VASH2: variants seen among roughly 807,000 people sequenced by gnomAD.
The protein encoded by VASH2 is tubulinyl-Tyr carboxypeptidase 2.
Under a neutral mutation model 37.2 loss-of-function variants are expected in VASH2, and 28 were observed. That is an observed-to-expected ratio of 0.75 (90% CI 0.56 to 1.03). The LOEUF is 1.03. VASH2 is among the 50% of genes least tolerant of loss of function. The pLI is 0.00. For missense variants in VASH2, 419 were observed against 459.1 expected, an observed-to-expected ratio of 0.91 and a Z score of 0.80; for synonymous variants, 188 against 174.7, an observed-to-expected ratio of 1.08 and a Z score of -0.60.
intron 7 of VASH2, among the ~76,000 whole-genome samples, chr1:212,981,422 T>C (rs895767716): frequency 6.6e-6 from 1 of 152,178 alleles, no homozygotes; most frequent in African/African-American, 2.4e-5. Context: ...GAGGCCATGC[T>C]CTGCCTCTGC....
At chr1:212,987,777 G>A (rs1667525531) in intron 7 of VASH2, among the ~76,000 whole-genome samples, 1 of 152,236 alleles carries the variant, frequency 6.6e-6, no homozygotes. Context: ...AAGATACATT[G>A]TGAGATTGTT....
rs1667008805 is a variant in VASH2, at chr1:212,971,471, G to A, written c.498-1109G>A. The stretch of plus-strand genomic sequence containing the variant: ...CCACAGCCCTACCTGGCAGGCTGTC[G>A]GGCACAGCAGACACTCAGGGTAAGT... On this transcript the variant is annotated intron_variant, in intron 5 of 7. Transcript: ENST00000517399. This position sits in a 1 kb window ranked among gnomAD's most constrained non-coding sequence, Gnocchi z 4.0. Among the ~76,000 whole-genome samples, 1 of 152,128 alleles carries A rather than the reference G, an allele frequency of 6.6e-6. No individual in the cohort carries two copies. The highest frequency in any genetic ancestry group is 2.1e-4 in the South Asian group (1 of 4,814).
intron 7 of VASH2, among the ~76,000 whole-genome samples, chr1:212,979,501 T>A (rs1222656712): frequency 6.6e-6 from 1 of 152,048 alleles, no homozygotes; most frequent in African/African-American, 2.4e-5. Flanking sequence ...AGCTGTGGGG[T>A]CCCAGTCCCT....
chr1:212,972,048 C>T (rs1667027132), intron 5 of VASH2, among the ~76,000 whole-genome samples: 1 of 152,202 alleles, frequency 6.6e-6, no homozygotes. Flanking sequence ...TCCCCCTTCC[C>T]TGGAAAAGCT....
At chr1:212,983,945 C>T (rs1355940641) in intron 7 of VASH2, among the ~76,000 whole-genome samples, 1 of 152,202 alleles carries the variant, frequency 6.6e-6, no homozygotes, top group South Asian at 2.1e-4. Context: ...TTGCTTTGAG[C>T]AAATTCCCTA....
At chr1:212,959,766 T>G (rs1312160039) in intron 2 of VASH2, among the ~76,000 whole-genome samples, 1 of 152,222 alleles carries the variant, frequency 6.6e-6, no homozygotes, top group African/African-American at 2.4e-5. Flanking sequence ...CTGGCCTGGC[T>G]GCACAGGGCC....
intron 7 of VASH2, among the ~76,000 whole-genome samples, chr1:212,984,084 A>G (rs1159775427): frequency 6.6e-6 from 1 of 152,172 alleles, no homozygotes; most frequent in Non-Finnish European, 1.5e-5. Flanking sequence ...TTAAGTGTCT[A>G]ATAAATAAAA....
intron 3 of VASH2, 177 bp downstream of exon 3, chr1:212,961,431 T>C: frequency 2.9e-6 from 4 of 1,389,318 alleles, no homozygotes; most frequent in East Asian, 4.9e-5. Flanking sequence ...AGGTTGTCAT[T>C]GCAGTGACCC....
At chr1:212,983,885 C>G (rs1250205040) in intron 7 of VASH2, among the ~76,000 whole-genome samples, 3 of 152,148 alleles carry the variant, frequency 2.0e-5, no homozygotes, top group Non-Finnish European at 4.4e-5. Context: ...GGTGTGGGCT[C>G]TAGATTCTGG....
At chr1:212,969,194 CTTTT>C (rs35147263) in intron 5 of VASH2, 63 of 921,130 alleles carry the variant, frequency 6.8e-5, no homozygotes, top group African/African-American at 9.5e-5. Context: ...AATTCTTCTT[CTTTT>C]TTTTTTTTTT....
chr1:212,968,753 T>G (rs1244064436), intron 5 of VASH2: 3 of 985,316 alleles, frequency 3.0e-6, no homozygotes, highest in Non-Finnish European at 1.2e-6. Flanking sequence ...CGAAGCCTCC[T>G]GCAAGTTTAA....
intron 7 of VASH2, among the ~76,000 whole-genome samples, chr1:212,977,982 T>C (rs1200896045): frequency 6.6e-6 from 1 of 152,212 alleles, no homozygotes; most frequent in Admixed American, 6.5e-5. Context: ...CTAAAAGTAC[T>C]GGGTCTGCTG....
chr1:212,964,088 G>C (rs897372865), intron 3 of VASH2, among the ~76,000 whole-genome samples: 1 of 152,130 alleles, frequency 6.6e-6, no homozygotes, highest in Non-Finnish European at 1.5e-5. Context: ...GATCTTGGGA[G>C]GCCCCCCAGC....
intron 6 of VASH2, 124 bp from the exon 7 acceptor site, chr1:212,973,831 G>T: frequency 6.9e-7 from 1 of 1,442,696 alleles, no homozygotes; most frequent in East Asian, 2.5e-5. Flanking sequence ...AAGTCTTCCT[G>T]CTCAATGCCT....
intron 7 of VASH2, 55 bp from the exon 8 acceptor site, chr1:212,988,457 G>T (rs1304141250): frequency 6.3e-7 from 1 of 1,576,222 alleles, no homozygotes; most frequent in Non-Finnish European, 8.7e-7. Context: ...AAATGCTGTT[G>T]TCTTTCTTTG....
At chr1:212,956,399 G>A (rs1666496234) in intron 2 of VASH2, among the ~76,000 whole-genome samples, 2 of 152,308 alleles carry the variant, frequency 1.3e-5, no homozygotes, top group African/African-American at 4.8e-5. Context: ...GAAGAGGTTG[G>A]TTTCGATCTG....
chr1:212,979,111 G>A (rs1667264621), intron 7 of VASH2, among the ~76,000 whole-genome samples: 1 of 152,194 alleles, frequency 6.6e-6, no homozygotes, highest in African/African-American at 2.4e-5. Context: ...CCAAGCCCCA[G>A]CTTCCCTCTC....
At chr1:212,956,792 G>A (rs1027907216) in intron 2 of VASH2, among the ~76,000 whole-genome samples, 3 of 152,176 alleles carry the variant, frequency 2.0e-5, no homozygotes, top group African/African-American at 7.2e-5. Context: ...ATTTTTTCAA[G>A]TATTTGGTTA....
intron 4 of VASH2, 56 bp from the exon 5 acceptor site, chr1:212,966,215 G>C (rs111850024): frequency 6.2e-6 from 9 of 1,461,416 alleles, no homozygotes; most frequent in African/African-American, 4.2e-5. Flanking sequence ...TTGACAGACT[G>C]ACCGAGTGTG....
Sources: gnomAD v4.1 joint callset for allele counts (sites outside exome capture counted in the v4.1 genomes callset) on GRCh38, gnomAD v4.1.1 for gene constraint, Gnocchi (gnomAD v3.1) non-coding constraint, MANE v1.5 for transcripts, NCBI Gene and HGNC (gene_info 2026-07-23, HGNC 2026-07-21) for gene names.